The following TNK2 variants were observed in gnomAD, a reference collection of about 807,000 sequenced individuals.
TNK2 encodes activated CDC42 kinase 1.
TNK2 carries 83 observed loss-of-function variants against 101.8 expected under a neutral mutation model. The ratio of observed to expected loss-of-function variants is 0.82; its 90% CI spans 0.68 to 0.98. The LOEUF (loss-of-function observed/expected upper bound fraction) is 0.98, where lower values mean the gene tolerates loss of function less well. TNK2 is among the 50% of genes least tolerant of loss of function. The pLI is 0.00. For synonymous variants in TNK2, 804 were observed against 633.0 expected (o/e 1.27, Z -4.06); for missense variants, 1,665 against 1,483.2 (o/e 1.12, Z -2.01).
chr3:195,865,175 CCGAGACAG>C, intron 15 of TNK2, among the ~76,000 whole-genome samples: 3 of 113,486 alleles, frequency 2.6e-5, no homozygotes, highest in Admixed American at 8.6e-5. Flanking sequence ...TAAGAACCAC[CCGAGACAG>C]TGACAGACAG....
In TNK2 at chr3:195,885,661, G is replaced by A; in HGVS notation, c.235-628C>T. ...GGAAGACAGCTGGGTCTCTGGAGGG[G>A]CGCCTAGAGCTGAGGGCTGAGACGG... On this transcript the variant is annotated intron_variant, in intron 3 of 15. Coordinates refer to ENST00000672887, the MANE Select transcript of TNK2 (RefSeq NM_001382273.1). This position sits in a 1 kb window ranked among gnomAD's most constrained non-coding sequence, Gnocchi z 4.7. 8.8e-7 allele frequency: 1 copy of A among 1,132,802 alleles called. No individual in the cohort carries two copies. Among genetic ancestry groups the A allele is most frequent in the South Asian group, 1.3e-5 (1 of 77,102 alleles). The allele number at this position is 1,132,802 out of a possible 1,614,324, so 70.2% of individuals were successfully genotyped here. A position where few individuals can be genotyped will look rare whatever the true frequency, so the allele number is the denominator to read the frequency against.
At chr3:195,874,550 G>C (rs1458839530) in intron 9 of TNK2, among the ~76,000 whole-genome samples, 1 of 140,384 alleles carries the variant, frequency 7.1e-6, no homozygotes, top group Non-Finnish European at 1.5e-5. Context: ...TCGGGATGGC[G>C]CCCACGCACG....
chr3:195,863,735 A>AG lies in TNK2; in HGVS notation c.*445dup. On this transcript the variant is annotated 3_prime_UTR_variant, in exon 16 of 16. Coordinates refer to ENST00000672887, the MANE Select transcript of TNK2 (RefSeq NM_001382273.1). Reference sequence around the variant, plus strand: ...GCCCCCTGGAAGAAGGCCCAGTCCTAGGAGGTCCCACCGGGTGCCGGTCCG... The same window carrying AG: ...GCCCCCTGGAAGAAGGCCCAGTCCTAGGGAGGTCCCACCGGGTGCCGGTCCG... 5.9e-6 allele frequency: 1 copy of AG among 170,916 alleles called. No homozygotes were observed. Among genetic ancestry groups the AG allele is most frequent in the Middle Eastern group, 2.7e-3 (1 of 368 alleles). 10.6% of individuals were successfully genotyped at this position (170,916 alleles called of 1,614,324 possible).
intron 9 of TNK2, among the ~76,000 whole-genome samples, chr3:195,876,132 G>A (rs766768039): frequency 7.9e-5 from 12 of 152,268 alleles, no homozygotes; most frequent in South Asian, 6.2e-4. Flanking sequence ...CTCTGTATGC[G>A]GAACAAAAGT....
rs748990602 is a variant in TNK2, at chr3:195,888,390, CA to C, written c.163+35del. 3 of 1,601,576 alleles carry C rather than the reference CA, an allele frequency of 1.9e-6. No homozygotes were observed. In the South Asian group the frequency reaches 3.4e-5, roughly 18 times the overall value. On this transcript the variant is annotated intron_variant, in intron 2 of 15. Transcript: ENST00000672887. This position sits in a 1 kb window ranked among gnomAD's most constrained non-coding sequence, Gnocchi z 5.3. Reference sequence around the variant, plus strand: ...CCTGAGGACAGAGGACGGAAAGGGTCAGGGGCAAGACAAGCCAGGCCAACAT... The same window carrying C: ...CCTGAGGACAGAGGACGGAAAGGGTCGGGGCAAGACAAGCCAGGCCAACAT...
Position 195,886,922 on chromosome 3 carries a change from A to T in TNK2, c.234+55T>A. ...GGAAGGTTCCCAGGACCAGAAGCGG[A>T]GGGGGGCGTTCGAGGCTGCCCCCCT... On this transcript the variant is annotated intron_variant, in intron 3 of 15. Transcript: ENST00000672887. This position sits in a 1 kb window ranked among gnomAD's most constrained non-coding sequence, Gnocchi z 4.2. The T allele has an allele frequency of 6.3e-7, 1 of 1,586,058 alleles. No homozygotes were observed. Among genetic ancestry groups the T allele is most frequent in the Non-Finnish European group, 8.7e-7 (1 of 1,154,552 alleles).
intron 15 of TNK2, 95 bp from the exon 16 acceptor site, chr3:195,864,282 T>TG: frequency 6.9e-7 from 1 of 1,451,628 alleles, no homozygotes; most frequent in Non-Finnish European, 9.6e-7. Context: ...GCAACACCAC[T>TG]GGAAGCTGGC....
At position 195,867,749 on chromosome 3, in the gene TNK2, G is replaced by A. The variant is rs1333866000; in HGVS notation, c.2549C>T (p.Ala850Val). The A allele has an allele frequency of 2.5e-6, 4 of 1,597,006 alleles. No individual in the cohort carries two copies. Among genetic ancestry groups the A allele is most frequent in the Non-Finnish European group, 3.4e-6 (4 of 1,172,848 alleles). The change falls in exon 13 of 16, where the codon GCC (alanine) becomes GTC (valine). Residue 850 changes from alanine (A) to valine (V), a missense_variant. Physicochemically the swap from Ala to Val is moderately conservative, Grantham distance 64. Around this residue, in one of 3 missense-constraint regions of TNK2, gnomAD observed 1,136 missense variants for 894.9 expected, o/e 1.27. Transcript: ENST00000672887. ...GCAGGGACCAGCCCGCGGGCCAGGG[G>A]CCTGGATCACCTGGGGGGTGGCGTA... ...PKYATPQVIQ[A>V]PGPRAGPCIL...
intron 10 of TNK2, among the ~76,000 whole-genome samples, chr3:195,871,975 A>G (rs1745706422): frequency 6.7e-6 from 1 of 149,012 alleles, no homozygotes; most frequent in Non-Finnish European, 1.5e-5. Context: ...CCCCTGGAGA[A>G]CCCTCCCCTG....
chr3:195,879,820 G>A (rs1424331844), intron 6 of TNK2, among the ~76,000 whole-genome samples: 1 of 152,072 alleles, frequency 6.6e-6, no homozygotes, highest in East Asian at 1.9e-4. Flanking sequence ...AGTCACTCGA[G>A]ATCGCTAAGG....
chr3:195,891,897 C>T (rs759356674), intron 1 of TNK2: 2 of 985,704 alleles, frequency 2.0e-6, no homozygotes, highest in Non-Finnish European at 2.4e-6. Flanking sequence ...CTCCCTGAAA[C>T]ACCAGCTAAT....
intron 12 of TNK2, 186 bp downstream of exon 12, chr3:195,869,311 C>T (rs1231350673): frequency 3.0e-6 from 2 of 664,204 alleles, no homozygotes; most frequent in Non-Finnish European, 5.3e-6. Context: ...GAGCAGAAGC[C>T]CAGGCTCCGG....
At position 195,867,870 on chromosome 3, in the gene TNK2, G is replaced by T; in HGVS notation, c.2428C>A (p.Leu810Met). The T allele has an allele frequency of 6.5e-7, 1 of 1,530,594 alleles. No homozygotes were observed. The highest frequency in any genetic ancestry group is 8.7e-7 in the Non-Finnish European group (1 of 1,145,320). 94.8% of individuals were successfully genotyped at this position (1,530,594 alleles called of 1,614,324 possible). A position where few individuals can be genotyped will look rare whatever the true frequency, so the allele number is the denominator to read the frequency against. Reference sequence around the variant, plus strand: ...AGCGGGGAGCTGCCAGGTGGTACCAGGGGGCTGGGTGTCCTCGAGCCTTGA... The same window carrying T: ...AGCGGGGAGCTGCCAGGTGGTACCATGGGGCTGGGTGTCCTCGAGCCTTGA... Reference protein sequence around the residue: ...SPQGSRTPSPLVPPGSSPLPP... With the variant: ...SPQGSRTPSPMVPPGSSPLPP... The change falls in exon 13 of 16, where the codon CTG becomes ATG. Residue 810 changes from leucine (L) to methionine (M), a missense_variant. Physicochemically the swap from Leu to Met is conservative, Grantham distance 15. Transcript: ENST00000672887.
intron 1 of TNK2, chr3:195,892,585 C>T: frequency 2.0e-6 from 3 of 1,466,052 alleles, no homozygotes; most frequent in Non-Finnish European, 2.7e-6. Flanking sequence ...AAATCCCACA[C>T]CAGGGGTGGG....
In TNK2 at chr3:195,863,904, C is replaced by T. The variant is rs1738865638; in HGVS notation, c.*277G>A. ...GGCCAGAGGCAGGTCATACCCAGAG[C>T]CTGCTGGGGCAGCCCTCAAGCCTGT... On this transcript the variant is annotated 3_prime_UTR_variant, in exon 16 of 16. Transcript: ENST00000672887. 1 of 466,606 alleles carries T rather than the reference C, an allele frequency of 2.1e-6. No individual in the cohort carries two copies. Among genetic ancestry groups the T allele is most frequent in the African/African-American group, 1.9e-5 (1 of 51,432 alleles). 28.9% of individuals were successfully genotyped at this position (466,606 alleles called of 1,614,324 possible).
intron 1 of TNK2, among the ~76,000 whole-genome samples, chr3:195,889,424 G>C (rs936742362): frequency 6.6e-6 from 1 of 152,154 alleles, no homozygotes; most frequent in East Asian, 1.9e-4. Context: ...ACTGAGCCAC[G>C]AATCTCATTC....
chr3:195,872,946 C>T (rs891269907), intron 9 of TNK2: 1 of 165,982 alleles, frequency 6.0e-6, no homozygotes, highest in South Asian at 1.6e-4. Flanking sequence ...CTGAGAGGTG[C>T]GGGGGTGCCG....
At chr3:195,872,126 T>G in intron 10 of TNK2, 150 bp downstream of exon 10, 2 of 900,742 alleles carry the variant, frequency 2.2e-6, no homozygotes, top group Admixed American at 2.8e-5. Context: ...TTCCCGAGAG[T>G]AAGGCCAGGG....
At chr3:195,874,845 T>TC (rs1380767775) in intron 9 of TNK2, among the ~76,000 whole-genome samples, 1 of 3,178 alleles carries the variant, frequency 3.1e-4, no homozygotes, top group African/African-American at 2.8e-3. Flanking sequence ...CACAAGAAGC[T>TC]CCCCTCGGGA....
Sources: gnomAD v4.1 joint callset for allele counts (sites outside exome capture counted in the v4.1 genomes callset) on GRCh38, gnomAD v4.1.1 for gene constraint, gnomAD v4.1.1 regional missense constraint, Gnocchi (gnomAD v3.1) non-coding constraint, MANE v1.5 for transcripts, NCBI Gene and HGNC (gene_info 2026-07-23, HGNC 2026-07-21) for gene names.